VPS13B: variants seen among roughly 807,000 people sequenced by gnomAD.
VPS13B encodes the protein intermembrane lipid transfer protein VPS13B.
VPS13B carries 285 observed loss-of-function variants against 426.4 expected under a neutral mutation model. The observed-to-expected ratio is 0.67, with a 90% CI of 0.61 to 0.74. The LOEUF (loss-of-function observed/expected upper bound fraction) is 0.74. Among genes scored for constraint, VPS13B ranks in the 30% least tolerant of loss-of-function variants. The probability of loss-of-function intolerance (pLI) is 0.00; values close to 1 mark genes in which losing one functional copy is unlikely to be tolerated. For missense variants in VPS13B, 4,537 were observed against 4,782.6 expected (o/e 0.95, Z 1.51); for synonymous variants, 1,676 against 1,676.4 (o/e 1.00, Z 0.01).
At chr8:99,482,515 G>T (rs977663871) in intron 25 of VPS13B, among the ~76,000 whole-genome samples, 2 of 152,056 alleles carry the variant, frequency 1.3e-5, no homozygotes, top group Non-Finnish European at 2.9e-5. Flanking sequence ...AGACATAACG[G>T]AATAGTCACA....
intron 19 of VPS13B, among the ~76,000 whole-genome samples, chr8:99,367,056 G>A (rs1407001491): frequency 6.6e-6 from 1 of 152,166 alleles, no homozygotes; most frequent in Non-Finnish European, 1.5e-5. Context: ...CAGCATTACA[G>A]TATTCTGTGT....
intron 27 of VPS13B, among the ~76,000 whole-genome samples, chr8:99,504,823 T>A (rs1022015683): frequency 1.3e-5 from 2 of 152,298 alleles, no homozygotes; most frequent in African/African-American, 2.4e-5. Flanking sequence ...TTTGAAGCTT[T>A]AAACCCAGGC....
chr8:99,171,907 A>G (rs560136159), intron 16 of VPS13B, among the ~76,000 whole-genome samples: 12 of 152,232 alleles, frequency 7.9e-5, no homozygotes, highest in Middle Eastern at 6.8e-3. Context: ...AGTATGTCCT[A>G]TAAGTTTAAA....
At chr8:99,502,757 C>A in intron 26 of VPS13B, 79 bp from the exon 27 acceptor site, 1 of 1,099,636 alleles carries the variant, frequency 9.1e-7, no homozygotes, top group Non-Finnish European at 1.4e-6. Flanking sequence ...ATGCATTTGT[C>A]AATGTGAAAT....
chr8:99,663,353 T>G (rs1830318511), intron 35 of VPS13B, among the ~76,000 whole-genome samples: 1 of 152,166 alleles, frequency 6.6e-6, no homozygotes, highest in Non-Finnish European at 1.5e-5. Flanking sequence ...AAGAACTATT[T>G]CTAATCTTGA....
At chr8:99,612,846 C>T (rs868380171) in intron 33 of VPS13B, among the ~76,000 whole-genome samples, 6 of 152,128 alleles carry the variant, frequency 3.9e-5, no homozygotes, top group Middle Eastern at 3.2e-3. Flanking sequence ...TCAACTTTTT[C>T]CACTTCCTAC....
chr8:99,510,783 A>G (rs867069148), intron 28 of VPS13B, among the ~76,000 whole-genome samples: 23 of 152,310 alleles, frequency 1.5e-4, no homozygotes, highest in Non-Finnish European at 2.8e-4. Flanking sequence ...AAGTGTTGGG[A>G]TTACAGGCAT....
intron 2 of VPS13B, among the ~76,000 whole-genome samples, chr8:99,028,712 T>TA (rs1842305488): frequency 2.5e-5 from 2 of 80,728 alleles, no homozygotes; most frequent in African/African-American, 4.3e-5. Flanking sequence ...GCTGGCCGGG[T>TA]GGGGGGCTGA....
chr8:99,456,778 G>A (rs1481514175), intron 23 of VPS13B, among the ~76,000 whole-genome samples: 1 of 152,104 alleles, frequency 6.6e-6, no homozygotes, highest in Non-Finnish European at 1.5e-5. Flanking sequence ...GACTTTGTCT[G>A]CTTTTCATAT....
chr8:99,196,462 T>TA (rs1171646936), intron 17 of VPS13B, among the ~76,000 whole-genome samples: 1 of 151,314 alleles, frequency 6.6e-6, no homozygotes, highest in Non-Finnish European at 1.5e-5. Context: ...ATGGAGTCTT[T>TA]AGGGGTTTTT....
At chr8:99,370,660 A>C (rs1813128797) in intron 19 of VPS13B, among the ~76,000 whole-genome samples, 1 of 143,210 alleles carries the variant, frequency 7.0e-6, no homozygotes, top group Admixed American at 7.5e-5. Context: ...CCCAGGCTCA[A>C]GTGCAGTGGC....
chr8:99,380,762 T>C (rs1813750418), intron 19 of VPS13B, among the ~76,000 whole-genome samples: 1 of 151,980 alleles, frequency 6.6e-6, no homozygotes, highest in African/African-American at 2.4e-5. Flanking sequence ...ATTTAAATAA[T>C]CTATAACATT....
At chr8:99,591,543 T>C (rs942921395) in intron 33 of VPS13B, among the ~76,000 whole-genome samples, 2 of 152,040 alleles carry the variant, frequency 1.3e-5, no homozygotes, top group Non-Finnish European at 2.9e-5. Flanking sequence ...GTCAGGCAGA[T>C]GTGGTGGTGA....
chr8:99,269,151 G>T (rs1248678185), intron 17 of VPS13B, among the ~76,000 whole-genome samples: 1 of 152,136 alleles, frequency 6.6e-6, no homozygotes, highest in African/African-American at 2.4e-5. Context: ...CCAGTCTCGA[G>T]TATTTCTTTA....
intron 30 of VPS13B, among the ~76,000 whole-genome samples, chr8:99,530,607 C>CTT (rs1554833763): frequency 7.1e-6 from 1 of 141,350 alleles, no homozygotes; most frequent in Non-Finnish European, 1.5e-5. Flanking sequence ...GAGTGAGACT[C>CTT]TGTCTCAAAA....
intron 2 of VPS13B, among the ~76,000 whole-genome samples, chr8:99,034,924 G>C (rs1412824284): frequency 6.6e-6 from 1 of 152,148 alleles, no homozygotes. Context: ...ACTGGGCATG[G>C]TAGCTCGTGC....
At chr8:99,516,786 T>TA (rs1822096037) in intron 29 of VPS13B, among the ~76,000 whole-genome samples, 2 of 19,822 alleles carry the variant, frequency 1.0e-4, no homozygotes, top group Admixed American at 1.1e-3. Context: ...AGACCGTGTC[T>TA]CAAAAAAAAA....
chr8:99,479,123 G>T (rs1035693096), intron 24 of VPS13B, among the ~76,000 whole-genome samples: 1 of 152,018 alleles, frequency 6.6e-6, no homozygotes, highest in Non-Finnish European at 1.5e-5. Flanking sequence ...CTCTTCATCA[G>T]CCCTGTATCT....
intron 3 of VPS13B, among the ~76,000 whole-genome samples, chr8:99,068,777 A>T (rs1307124265): frequency 6.6e-6 from 1 of 152,154 alleles, no homozygotes; most frequent in Non-Finnish European, 1.5e-5. Flanking sequence ...CTATCACGAG[A>T]ACAGCATGGG....
Sources: allele counts gnomAD v4.1 joint callset (sites outside exome capture counted in the v4.1 genomes callset), GRCh38; gene constraint gnomAD v4.1.1; transcripts MANE v1.5; gene names NCBI Gene and HGNC (gene_info 2026-07-23, HGNC 2026-07-21).